SCGB1D2: variants seen among roughly 807,000 people sequenced by gnomAD.
The protein encoded by SCGB1D2 is lipophilin-B.
Under a neutral mutation model 10.5 loss-of-function variants are expected in SCGB1D2, and 10 were observed. The observed-to-expected ratio is 0.95, with a 90% CI of 0.59 to 1.61. The LOEUF is 1.61. Among genes scored for constraint, SCGB1D2 ranks in the 40% most tolerant of loss-of-function variants. The probability of loss-of-function intolerance (pLI) is 0.00; values close to 1 mark genes in which losing one functional copy is unlikely to be tolerated. For missense variants in SCGB1D2, 113 were observed against 103.8 expected (o/e 1.09, Z -0.38); for synonymous variants, 42 against 42.8 (o/e 0.98, Z 0.08).
In SCGB1D2 at chr11:62,244,564, C is replaced by T. The variant is rs1945093127; in HGVS notation, c.244-106C>T. On this transcript the variant is annotated intron_variant, in intron 2 of 2. Transcript: ENST00000244926. ...AAACTGAGTTGTTGCCTCTGCCCTT[C>T]CAATTGCCTTTGGGGGCAGAATCCC... 10 of 1,002,100 alleles carry T rather than the reference C, an allele frequency of 1.0e-5. No individual in the cohort carries two copies. In the East Asian group the frequency reaches 2.4e-4, roughly 24 times the overall value. The allele number at this position is 1,002,100 out of a possible 1,614,324, so 62.1% of individuals were successfully genotyped here.
At chr11:62,243,646 G>A (rs1945084308) in intron 2 of SCGB1D2, among the ~76,000 whole-genome samples, 170 bp downstream of exon 2, 1 of 152,270 alleles carries the variant, frequency 6.6e-6, no homozygotes, top group South Asian at 2.1e-4. Flanking sequence ...TTCACCTGCA[G>A]AATTCAACTC....
At chr11:62,242,399 G>T in intron 1 of SCGB1D2, 37 bp downstream of exon 1, 1 of 1,608,896 alleles carries the variant, frequency 6.2e-7, no homozygotes, top group Non-Finnish European at 8.5e-7. Flanking sequence ...TCCAGCCCCT[G>T]GGAAGCACCC....
Position 62,242,318 on chromosome 11 carries a change from C to T in SCGB1D2, c.11C>T (p.Ser4Leu), listed in dbSNP as rs141510840. 5.5e-5 allele frequency: 88 copies of T among 1,613,954 alleles called. No homozygotes were observed. The highest frequency in any genetic ancestry group is 1.6e-4 in the Middle Eastern group (1 of 6,084). MKL[S>L]VCLLLVTLAL... ...GCAAAACAAGCCACCATGAAGCTGT[C>T]GGTGTGTCTCCTGCTGGTCACGCTG... Residue 4 changes from serine (S) to leucine (L), a missense_variant, in exon 1 of 3, where the codon TCG becomes TTG. Coordinates refer to ENST00000244926, the MANE Select transcript of SCGB1D2 (RefSeq NM_006551.4).
chr11:62,243,343 T>C lies in SCGB1D2; in HGVS notation c.110T>C (p.Ile37Thr), dbSNP rs1330754421. The part of the protein sequence containing the change: ...LVSELLDFFF[I>T]SEPLFKLSLA... The stretch of plus-strand genomic sequence containing the variant: ...TCTGAGCTGTTAGACTTCTTCTTCA[T>C]TAGTGAACCTCTGTTCAAGTTAAGT... Residue 37 changes from isoleucine to threonine, a missense_variant, in exon 2 of 3, where the codon ATT (isoleucine) becomes ACT (threonine). Coordinates refer to ENST00000244926, the MANE Select transcript of SCGB1D2 (RefSeq NM_006551.4). 6.2e-7 allele frequency: 1 copy of C among 1,614,074 alleles called. No individual in the cohort carries two copies. Among genetic ancestry groups the C allele is most frequent in the Admixed American group, 1.7e-5 (1 of 60,034 alleles).
rs547225091 is a variant in SCGB1D2 at position 62,243,496 on chromosome 11, T to G, written c.243+20T>G. On this transcript the variant is annotated intron_variant, in intron 2 of 2. Transcript: ENST00000244926. ...GTCCTGGTAACTTCTTTCTCCTTTATTTGTTAAGGCTTCTGGTCAGCTGCA... is the reference window on the plus strand; with the variant it reads ...GTCCTGGTAACTTCTTTCTCCTTTAGTTGTTAAGGCTTCTGGTCAGCTGCA... The G allele has an allele frequency of 6.3e-7, 1 of 1,598,680 alleles. No homozygotes were observed. Among genetic ancestry groups the G allele is most frequent in the Admixed American group, 1.7e-5 (1 of 59,380 alleles).
At chr11:62,243,204 G>A in intron 1 of SCGB1D2, 85 bp from the exon 2 acceptor site, 3 of 1,067,480 alleles carry the variant, frequency 2.8e-6, no homozygotes, top group Non-Finnish European at 4.2e-6. Context: ...ATAACCCAGG[G>A]GATCCTGTCT....
intron 2 of SCGB1D2, among the ~76,000 whole-genome samples, chr11:62,244,369 C>G (rs1945091472): frequency 6.6e-6 from 1 of 152,150 alleles, no homozygotes; most frequent in South Asian, 2.1e-4. Flanking sequence ...AGCCCTGGGA[C>G]AGCCCAGGCA....
chr11:62,243,633 C>G (rs1224889577), intron 2 of SCGB1D2, among the ~76,000 whole-genome samples, 157 bp downstream of exon 2: 1 of 152,194 alleles, frequency 6.6e-6, no homozygotes, highest in Non-Finnish European at 1.5e-5. Flanking sequence ...TGGGTGCCAC[C>G]ATTTCACCTG....
chr11:62,244,406 C>T (rs1590665217), intron 2 of SCGB1D2, among the ~76,000 whole-genome samples: 1 of 152,168 alleles, frequency 6.6e-6, no homozygotes, highest in Non-Finnish European at 1.5e-5. Flanking sequence ...CTCTCCAACC[C>T]TCGTCACTTG....
chr11:62,243,153 G>A (rs2134754734), intron 1 of SCGB1D2, 136 bp from the exon 2 acceptor site: 1 of 626,880 alleles, frequency 1.6e-6, no homozygotes, highest in Non-Finnish European at 2.7e-6. Flanking sequence ...ACACCTGAAG[G>A]GTCTGGCATT....
intron 1 of SCGB1D2, among the ~76,000 whole-genome samples, chr11:62,242,938 A>G (rs1170745750): frequency 6.6e-6 from 1 of 152,222 alleles, no homozygotes; most frequent in Admixed American, 6.5e-5. Context: ...AAGAAATATG[A>G]AAAATCAGCT....
chr11:62,244,239 A>G (rs1945090345), intron 2 of SCGB1D2, among the ~76,000 whole-genome samples: 2 of 152,098 alleles, frequency 1.3e-5, no homozygotes, highest in Non-Finnish European at 2.9e-5. Context: ...TCGGGCCCTG[A>G]GGCAGAATTC....
At chr11:62,243,670 C>T (rs1202088860) in intron 2 of SCGB1D2, among the ~76,000 whole-genome samples, 194 bp downstream of exon 2, 1 of 152,206 alleles carries the variant, frequency 6.6e-6, no homozygotes, top group Non-Finnish European at 1.5e-5. Context: ...TGCACACAGC[C>T]TCCTGCATGT....
At chr11:62,243,798 T>A (rs1945085744) in intron 2 of SCGB1D2, among the ~76,000 whole-genome samples, 1 of 152,174 alleles carries the variant, frequency 6.6e-6, no homozygotes, top group African/African-American at 2.4e-5. Context: ...GCCTCGCTGC[T>A]GGGAGCTTTC....
chr11:62,243,520 C>T (rs1945082110), intron 2 of SCGB1D2, 44 bp downstream of exon 2: 3 of 1,536,608 alleles, frequency 2.0e-6, no homozygotes, highest in Non-Finnish European at 2.7e-6. Context: ...TGGTCAGCTG[C>T]ACAGTATGAA....
At position 62,243,312 on chromosome 11, in the gene SCGB1D2, CTT is replaced by C; in HGVS notation, c.80_81del (p.Leu27ArgfsTer3). On this transcript the variant is annotated frameshift_variant, in exon 2 of 3. Coordinates refer to ENST00000244926, the MANE Select transcript of SCGB1D2 (RefSeq NM_006551.4). LOFTEE classifies it high-confidence loss of function. ...AGCCAATGCCGAGTTCTGCCCAGCT[CTT>C]GTTTCTGAGCTGTTAGACTTCTTCT... ...YQANAEFCPA[L>X]VSELLDFFFI... 6.2e-7 allele frequency: 1 copy of C among 1,613,716 alleles called. No individual in the cohort carries two copies. The highest frequency in any genetic ancestry group is 8.5e-7 in the Non-Finnish European group (1 of 1,179,740).
At position 62,244,722 on chromosome 11, in the gene SCGB1D2, T is replaced by C. The variant is rs1468849263; in HGVS notation, c.*23T>C. ...TGACATGTAAAAACTTTCATCCTGGTTTCCACTGTCTTTCAATGACACCCT... is the reference window on the plus strand; with the variant it reads ...TGACATGTAAAAACTTTCATCCTGGCTTCCACTGTCTTTCAATGACACCCT... On this transcript the variant is annotated 3_prime_UTR_variant, in exon 3 of 3. Transcript: ENST00000244926. 3 of 1,602,094 alleles carry C rather than the reference T, an allele frequency of 1.9e-6. No individual in the cohort carries two copies. The Admixed American group carries it at 5.0e-5, about 27-fold the overall frequency.
intron 1 of SCGB1D2, among the ~76,000 whole-genome samples, chr11:62,242,827 C>A (rs1055508659): frequency 1.3e-5 from 2 of 152,188 alleles, no homozygotes; most frequent in Admixed American, 1.3e-4. Context: ...GCGGCTCATG[C>A]CTGTAATCCT....
In SCGB1D2 at chr11:62,244,766, T is replaced by C. The variant is rs1945095268; in HGVS notation, c.*67T>C. Reference sequence around the variant, plus strand: ...ACACCCTGATCTTCACTGCAGAATGTAAAGGTTTCAACGTCTTGCTTTAAT... The same window carrying C: ...ACACCCTGATCTTCACTGCAGAATGCAAAGGTTTCAACGTCTTGCTTTAAT... On this transcript the variant is annotated 3_prime_UTR_variant, in exon 3 of 3. Transcript: ENST00000244926. 2 of 1,354,342 alleles carry C rather than the reference T, an allele frequency of 1.5e-6. No individual in the cohort carries two copies. The highest frequency in any genetic ancestry group is 2.1e-6 in the Non-Finnish European group (2 of 949,488). 83.9% of individuals were successfully genotyped at this position (1,354,342 alleles called of 1,614,324 possible). A position where few individuals can be genotyped will look rare whatever the true frequency, so the allele number is the denominator to read the frequency against.
Sources: gnomAD v4.1 joint callset for allele counts (sites outside exome capture counted in the v4.1 genomes callset) on GRCh38, gnomAD v4.1.1 for gene constraint, MANE v1.5 for transcripts, NCBI Gene and HGNC (gene_info 2026-07-23, HGNC 2026-07-21) for gene names.